Variants in SYT9 observed in about 807,000 individuals in gnomAD.
SYT9 encodes synaptotagmin 9.
SYT9 carries 22 observed loss-of-function variants against 48.4 expected under a neutral mutation model. That is an observed-to-expected ratio of 0.45 (90% CI 0.32 to 0.65). The LOEUF is 0.65. Among genes scored for constraint, SYT9 ranks in the 30% least tolerant of loss-of-function variants. SYT9 has a pLI of 0.03. For missense variants in SYT9, 577 were observed against 622.0 expected (o/e 0.93, Z 0.77); for synonymous variants, 265 against 245.0 (o/e 1.08, Z -0.76).
intron 3 of SYT9, among the ~76,000 whole-genome samples, chr11:7,392,807 A>AT (rs1267833855): frequency 6.6e-6 from 1 of 151,630 alleles, no homozygotes; most frequent in East Asian, 1.9e-4. Context: ...TCTTGCAGAG[A>AT]TTTTTCATTT....
At position 7,303,294 on chromosome 11, in the gene SYT9, C is replaced by G; in HGVS notation, c.401C>G (p.Pro134Arg). The change falls in exon 2 of 7, where the codon CCT becomes CGT. Residue 134 changes from proline (P) to arginine (R), a missense_variant. By Grantham distance (103) the Pro-to-Arg change is moderately radical. Coordinates refer to ENST00000318881, the MANE Select transcript of SYT9 (RefSeq NM_175733.4). ...TCCATGAAGATCAGCCACACCTCCC[C>G]TGACATTCCCCTCTCCACCCAGACG... The part of the protein sequence containing the change: ...DSSMKISHTS[P>R]DIPLSTQTGI... The G allele has an allele frequency of 6.2e-7, 1 of 1,614,142 alleles. No homozygotes were observed.
intron 3 of SYT9, among the ~76,000 whole-genome samples, chr11:7,366,283 C>T (rs1850242170): frequency 6.6e-6 from 1 of 152,196 alleles, no homozygotes; most frequent in African/African-American, 2.4e-5. Context: ...GTCCTGGCCC[C>T]TTTCTACCTA....
At chr11:7,413,521 C>T (rs1590010268) in intron 3 of SYT9, among the ~76,000 whole-genome samples, 1 of 152,044 alleles carries the variant, frequency 6.6e-6, no homozygotes, top group African/African-American at 2.4e-5. Context: ...GAATGTGGAC[C>T]CTGGGAGGTC....
intron 3 of SYT9, among the ~76,000 whole-genome samples, chr11:7,343,894 A>G (rs1308986068): frequency 6.6e-6 from 1 of 152,214 alleles, no homozygotes. Flanking sequence ...GCAAGACAGA[A>G]TGAGAGCCAA....
At chr11:7,381,511 C>A (rs954009605) in intron 3 of SYT9, among the ~76,000 whole-genome samples, 14 of 152,250 alleles carry the variant, frequency 9.2e-5, no homozygotes, top group African/African-American at 3.4e-4. Flanking sequence ...AGACAGTGGG[C>A]CCCTATGGAG....
In SYT9 at chr11:7,365,912, C is replaced by T. The variant is rs1259309629; in HGVS notation, c.1045-50130C>T. ...TCAGTACTATGCCACACTGGTGGCCCTTGGGCCTCTAATTTGGGACACTGA... is the reference window on the plus strand; with the variant it reads ...TCAGTACTATGCCACACTGGTGGCCTTTGGGCCTCTAATTTGGGACACTGA... On this transcript the variant is annotated intron_variant, in intron 3 of 6. Coordinates refer to ENST00000318881, the MANE Select transcript of SYT9 (RefSeq NM_175733.4). 3.3e-5 allele frequency among the ~76,000 whole-genome samples: 5 copies of T among 152,216 alleles called. 1 individual carries two copies. In the East Asian group the frequency reaches 9.6e-4, roughly 29 times the overall value.
intron 3 of SYT9, among the ~76,000 whole-genome samples, chr11:7,318,776 G>A (rs1849286092): frequency 6.6e-6 from 1 of 152,056 alleles, no homozygotes; most frequent in Admixed American, 6.6e-5. Flanking sequence ...TACATTGATT[G>A]ATTTTCTAAT....
rs1046535216 is a variant in SYT9 at position 7,290,323 on chromosome 11, T to A, written c.146-12716T>A. On this transcript the variant is annotated intron_variant, in intron 1 of 6. Coordinates refer to ENST00000318881, the MANE Select transcript of SYT9 (RefSeq NM_175733.4). ...GCACTAAGAACTTCTGAAGATTCATTTCCCTGAAACAGTCTGGATGGGCCA... is the reference window on the plus strand; with the variant it reads ...GCACTAAGAACTTCTGAAGATTCATATCCCTGAAACAGTCTGGATGGGCCA... Among the ~76,000 whole-genome samples, 18 of 152,196 alleles carry A rather than the reference T, an allele frequency of 1.2e-4. 1 individual carries two copies. The highest frequency in any genetic ancestry group is 2.5e-4 in the Non-Finnish European group (17 of 68,022).
intron 1 of SYT9, among the ~76,000 whole-genome samples, chr11:7,293,834 G>T (rs944446914): frequency 6.6e-6 from 1 of 152,204 alleles, no homozygotes; most frequent in Non-Finnish European, 1.5e-5. Context: ...GCCATAGAAA[G>T]AAGCCCTCAC....
intron 3 of SYT9, among the ~76,000 whole-genome samples, chr11:7,386,035 T>G (rs1850651533): frequency 6.6e-6 from 1 of 152,224 alleles, no homozygotes; most frequent in Non-Finnish European, 1.5e-5. Context: ...TCCTTAACTT[T>G]GCTCAATAAT....
chr11:7,270,627 A>G (rs1185891954), intron 1 of SYT9, among the ~76,000 whole-genome samples: 1 of 152,210 alleles, frequency 6.6e-6, no homozygotes, highest in Non-Finnish European at 1.5e-5. Flanking sequence ...TTCTAGCCAT[A>G]TTACTTAGAC....
chr11:7,247,562 C>T (rs143586937), upstream of SYT9, among the ~76,000 whole-genome samples: 31,752 of 137,226 alleles, frequency 0.23, 4,397 homozygotes, highest in Admixed American at 0.33. Flanking sequence ...TGTATATACA[C>T]ATATATACAC....
intron 3 of SYT9, among the ~76,000 whole-genome samples, chr11:7,393,643 G>C (rs1846683428): frequency 6.6e-6 from 1 of 151,884 alleles, no homozygotes; most frequent in Admixed American, 6.6e-5. Flanking sequence ...CTCAATTTTT[G>C]GAATAGTTTC....
intron 1 of SYT9, among the ~76,000 whole-genome samples, chr11:7,270,311 G>A (rs987015944): frequency 6.6e-6 from 1 of 152,104 alleles, no homozygotes; most frequent in African/African-American, 2.4e-5. Flanking sequence ...GTTAAATGCA[G>A]CTCATAAACG....
At chr11:7,422,985 C>T (rs1297592348) in intron 6 of SYT9, among the ~76,000 whole-genome samples, 1 of 152,180 alleles carries the variant, frequency 6.6e-6, no homozygotes, top group Non-Finnish European at 1.5e-5. Flanking sequence ...AAAGTAAATG[C>T]CATTAGGGTT....
At chr11:7,427,363 A>G (rs1486055918) in intron 6 of SYT9, 1 of 152,258 alleles carries the variant, frequency 6.6e-6, no homozygotes, top group Non-Finnish European at 1.5e-5. Context: ...CCACGTAATG[A>G]CAATGGCTTT....
intron 6 of SYT9, among the ~76,000 whole-genome samples, chr11:7,431,114 A>T (rs534955845): frequency 6.6e-6 from 1 of 152,228 alleles, no homozygotes; most frequent in Non-Finnish European, 1.5e-5. Context: ...GTTGTGACCA[A>T]TATGCTGATA....
intron 4 of SYT9, 87 bp from the exon 5 acceptor site, chr11:7,417,870 T>C (rs1324949293): frequency 3.5e-6 from 5 of 1,409,338 alleles, no homozygotes; most frequent in East Asian, 2.3e-5. Context: ...CAGCATACCA[T>C]AGTCCATGAA....
At chr11:7,336,324 T>C (rs113321154) in intron 3 of SYT9, among the ~76,000 whole-genome samples, 1,664 of 152,340 alleles carry the variant, frequency 0.011, 29 homozygotes, top group African/African-American at 0.038. Context: ...TCTTTTGTTG[T>C]GCAGAAGCTC....
Sources: gnomAD v4.1 joint callset for allele counts (sites outside exome capture counted in the v4.1 genomes callset) on GRCh38, gnomAD v4.1.1 for gene constraint, MANE v1.5 for transcripts, NCBI Gene and HGNC (gene_info 2026-07-23, HGNC 2026-07-21) for gene names.